Variants in RABEP1 observed in about 807,000 individuals in gnomAD.
The protein encoded by RABEP1 is rabaptin, RAB GTPase binding effector protein 1, also known as rab GTPase-binding effector protein 1.
In RABEP1, 51 loss-of-function variants were observed where a neutral mutation model predicts 123.4. The observed-to-expected ratio is 0.41, with a 90% confidence interval of 0.33 to 0.52. RABEP1 has a LOEUF of 0.52. Ranked by LOEUF, RABEP1 falls within the 20% of genes least tolerant of loss-of-function variation. The probability of loss-of-function intolerance (pLI) is 0.16; values close to 1 mark genes in which losing one functional copy is unlikely to be tolerated. For synonymous variants in RABEP1, 347 were observed against 355.2 expected (o/e 0.98, Z 0.26); for missense variants, 888 against 996.3 (o/e 0.89, Z 1.46).
chr17:5,376,483 G>A (rs1196816453), intron 13 of RABEP1, among the ~76,000 whole-genome samples: 2 of 152,138 alleles, frequency 1.3e-5, no homozygotes, highest in African/African-American at 2.4e-5. Context: ...TTACTTTAGA[G>A]TTGCTTTAGG....
At chr17:5,315,711 G>A (rs1823797558) in intron 2 of RABEP1, among the ~76,000 whole-genome samples, 1 of 152,158 alleles carries the variant, frequency 6.6e-6, no homozygotes, top group South Asian at 2.1e-4. Flanking sequence ...AACTAGCCGA[G>A]CATGGTGGTG....
At position 5,365,178 on chromosome 17, in the gene RABEP1, G is replaced by A; in HGVS notation, c.1725G>A (p.Met575Ile). ...RQANDQLEKT[M>I]KDKQELEDFI... ...CTAATGACCAGTTAGAGAAGACAAT[G>A]AAAGATAAGCAGGAGCTGGAAGACT... Residue 575 changes from methionine to isoleucine, a missense_variant, in exon 11 of 18, where the codon ATG (methionine) becomes ATA (isoleucine). Transcript: ENST00000537505. 1 of 1,611,770 alleles carries A rather than the reference G, an allele frequency of 6.2e-7. No individual in the cohort carries two copies. The highest frequency in any genetic ancestry group is 8.5e-7 in the Non-Finnish European group (1 of 1,179,084).
chr17:5,323,966 G>A (rs959951968), intron 2 of RABEP1, among the ~76,000 whole-genome samples: 3 of 151,056 alleles, frequency 2.0e-5, no homozygotes, highest in East Asian at 3.9e-4. Context: ...AAGATGGTCC[G>A]TGGTCATGGA....
intron 1 of RABEP1, among the ~76,000 whole-genome samples, chr17:5,297,828 C>A (rs541712456): frequency 6.6e-6 from 1 of 152,334 alleles, no homozygotes; most frequent in South Asian, 2.1e-4. Context: ...CCTGTGCTCT[C>A]AGCTGTTATG....
chr17:5,296,605 A>G (rs2075086146), intron 1 of RABEP1, among the ~76,000 whole-genome samples: 1 of 151,942 alleles, frequency 6.6e-6, no homozygotes, highest in Admixed American at 6.6e-5. Context: ...AACGGGAAAC[A>G]TTTCATTTTT....
intron 1 of RABEP1, among the ~76,000 whole-genome samples, chr17:5,283,510 T>C (rs1369793021): frequency 6.6e-6 from 1 of 152,182 alleles, no homozygotes; most frequent in Non-Finnish European, 1.5e-5. Context: ...GCTTGGGCTT[T>C]TCCAAGGTCC....
intron 11 of RABEP1, 64 bp from the exon 12 acceptor site, chr17:5,368,306 G>A (rs1910250941): frequency 3.6e-6 from 4 of 1,108,904 alleles, no homozygotes; most frequent in Non-Finnish European, 5.4e-6. Flanking sequence ...GTTAGAAGAT[G>A]GAAGAGTTAG....
intron 2 of RABEP1, among the ~76,000 whole-genome samples, chr17:5,320,648 T>C (rs2075346394): frequency 6.6e-6 from 1 of 152,194 alleles, no homozygotes. Flanking sequence ...AGCTAAGTTG[T>C]AGAAGTTTTT....
Position 5,314,234 on chromosome 17 carries a change from C to CTTTTT in RABEP1, c.163+5434_163+5438dup, listed in dbSNP as rs71151864. ...GCCTGTTCTTTTCTTAGTACCTATTCTTTTTTTTTTTTTTTTTTTTTTTTT... is the reference window on the plus strand; with the variant it reads ...GCCTGTTCTTTTCTTAGTACCTATTCTTTTTTTTTTTTTTTTTTTTTTTTTTTTTT... On this transcript the variant is annotated intron_variant, in intron 2 of 17. Transcript: ENST00000537505. Among the ~76,000 whole-genome samples, 127 of 55,572 alleles carry CTTTTT rather than the reference C, an allele frequency of 2.3e-3. 27 individuals carry two copies. Among genetic ancestry groups the CTTTTT allele is most frequent in the African/African-American group, 8.1e-3 (117 of 14,520 alleles). The allele number at this position is 55,572 out of a possible 152,430, so 36.5% of individuals were successfully genotyped here.
chr17:5,282,336 G>A lies in RABEP1; in HGVS notation c.-151G>A. ...GTCGGGTCCGTCTCTGCCCGCGGCTGTGGCGGCGCCGGCGGATCCAGCCTT... is the reference window on the plus strand; with the variant it reads ...GTCGGGTCCGTCTCTGCCCGCGGCTATGGCGGCGCCGGCGGATCCAGCCTT... On this transcript the variant is annotated 5_prime_UTR_variant, in exon 1 of 18. The change creates a new upstream start codon in the 5' untranslated region. Transcript: ENST00000537505. 1 of 542,756 alleles carries A rather than the reference G, an allele frequency of 1.8e-6. No individual in the cohort carries two copies. Among genetic ancestry groups the A allele is most frequent in the Non-Finnish European group, 2.8e-6 (1 of 353,430 alleles). The allele number at this position is 542,756 out of a possible 1,614,324, so 33.6% of individuals were successfully genotyped here. A position where few individuals can be genotyped will look rare whatever the true frequency, so the allele number is the denominator to read the frequency against.
chr17:5,341,274 T>TA (rs1327345209), intron 5 of RABEP1, among the ~76,000 whole-genome samples: 3 of 151,792 alleles, frequency 2.0e-5, no homozygotes, highest in Non-Finnish European at 2.9e-5. Context: ...GAGCCTGTCT[T>TA]AAAAAAAAGA....
intron 1 of RABEP1, among the ~76,000 whole-genome samples, chr17:5,292,664 G>A (rs929443293): frequency 2.6e-5 from 4 of 152,126 alleles, no homozygotes; most frequent in African/African-American, 7.2e-5. Context: ...GATTACAGGT[G>A]TGAACCACTG....
intron 12 of RABEP1, among the ~76,000 whole-genome samples, chr17:5,372,740 A>G (rs1910618518): frequency 6.6e-6 from 1 of 150,608 alleles, no homozygotes; most frequent in African/African-American, 2.4e-5. Flanking sequence ...TAGTACAGGG[A>G]TATGGAGGGA....
chr17:5,320,211 A>T (rs1244018658), intron 2 of RABEP1, among the ~76,000 whole-genome samples: 1 of 152,124 alleles, frequency 6.6e-6, no homozygotes, highest in East Asian at 1.9e-4. Context: ...AAGGTAAGGA[A>T]GGAGTGGAAT....
intron 1 of RABEP1, among the ~76,000 whole-genome samples, chr17:5,301,506 CTG>C (rs1357833533): frequency 6.6e-6 from 1 of 152,146 alleles, no homozygotes; most frequent in Non-Finnish European, 1.5e-5. Flanking sequence ...TGTCCACAAA[CTG>C]TTTTTAATGG....
Position 5,373,300 on chromosome 17 carries a change from T to A in RABEP1, c.1885-14T>A. 1 of 1,609,374 alleles carries A rather than the reference T, an allele frequency of 6.2e-7. No individual in the cohort carries two copies. The highest frequency in any genetic ancestry group is 8.5e-7 in the Non-Finnish European group (1 of 1,177,918). On this transcript the variant is annotated splice_polypyrimidine_tract_variant and intron_variant, in intron 12 of 17. Coordinates refer to ENST00000537505, the MANE Select transcript of RABEP1 (RefSeq NM_004703.6). ...TACCTTTCTGGCTGTGATTAGTATC[T>A]ACTTCTATTTTAGGCGGTGCTGATG...
At position 5,385,693 on chromosome 17, in the gene RABEP1, G is replaced by C. The variant is rs908457781; in HGVS notation, c.*2470G>C. 4.3e-6 allele frequency: 1 copy of C among 231,216 alleles called. No individual in the cohort carries two copies. The highest frequency in any genetic ancestry group is 2.2e-5 in the African/African-American group (1 of 45,250). 14.3% of individuals were successfully genotyped at this position (231,216 alleles called of 1,614,324 possible). ...AGGAAGTGAGCCAGCAGTGGCCTTT[G>C]CAATTGTGGATCTTGAGCTCTGCTC... On this transcript the variant is annotated 3_prime_UTR_variant, in exon 18 of 18. Transcript: ENST00000537505.
chr17:5,379,399 A>T (rs948857240), intron 15 of RABEP1, among the ~76,000 whole-genome samples: 1 of 152,078 alleles, frequency 6.6e-6, no homozygotes, highest in Non-Finnish European at 1.5e-5. Flanking sequence ...CTTTTCCATT[A>T]TGCATGAACA....
rs373497423 is a variant in RABEP1 at position 5,384,155 on chromosome 17, T to C, written c.*932T>C. The C allele has an allele frequency of 9.3e-6, 2 of 214,386 alleles. No homozygotes were observed. Among genetic ancestry groups the C allele is most frequent in the South Asian group, 1.9e-4 (1 of 5,366 alleles). The allele number at this position is 214,386 out of a possible 1,614,324, so 13.3% of individuals were successfully genotyped here. Reference sequence around the variant, plus strand: ...GTCAAATACAAAAATGGTAACTAGGTTGACAGATACTTTGTATTTTTCTTT... The same window carrying C: ...GTCAAATACAAAAATGGTAACTAGGCTGACAGATACTTTGTATTTTTCTTT... On this transcript the variant is annotated 3_prime_UTR_variant, in exon 18 of 18. Transcript: ENST00000537505.
Sources: gnomAD v4.1 joint callset for allele counts (sites outside exome capture counted in the v4.1 genomes callset) on GRCh38, gnomAD v4.1.1 for gene constraint, MANE v1.5 for transcripts, NCBI Gene and HGNC (gene_info 2026-07-23, HGNC 2026-07-21) for gene names.